CEP162: variants seen among roughly 807,000 people sequenced by gnomAD.
CEP162 encodes centrosomal protein of 162 kDa.
In CEP162, 141 loss-of-function variants were observed where a neutral mutation model predicts 169.2. That is an observed-to-expected ratio of 0.83 (90% confidence interval 0.73 to 0.96). CEP162 has a LOEUF of 0.96. Among genes scored for constraint, CEP162 ranks in the 40% least tolerant of loss-of-function variants. CEP162 has a pLI of 0.00. For missense variants in CEP162, 1,600 were observed against 1,587.2 expected, an observed-to-expected ratio of 1.01 and a Z score of -0.14; for synonymous variants, 540 against 526.4, an observed-to-expected ratio of 1.03 and a Z score of -0.35.
intron 25 of CEP162, among the ~76,000 whole-genome samples, chr6:84,132,776 C>T (rs972125222): frequency 5.3e-5 from 8 of 152,044 alleles, no homozygotes; most frequent in Non-Finnish European, 8.8e-5. Context: ...AGCTCCTTTG[C>T]GATGGTTTCA....
At chr6:84,189,226 C>T (rs1203257475) in intron 11 of CEP162, among the ~76,000 whole-genome samples, 1 of 152,150 alleles carries the variant, frequency 6.6e-6, no homozygotes, top group African/African-American at 2.4e-5. Flanking sequence ...AGAGCCCTCG[C>T]TTGCTCTCGG....
At chr6:84,211,649 GAAA>G (rs933815657) in intron 6 of CEP162, among the ~76,000 whole-genome samples, 1 of 149,646 alleles carries the variant, frequency 6.7e-6, no homozygotes, top group Non-Finnish European at 1.5e-5. Context: ...AGCACAGAAA[GAAA>G]AAAAGTTTTT....
chr6:84,205,101 A>C (rs573410774), intron 6 of CEP162, among the ~76,000 whole-genome samples: 18 of 152,314 alleles, frequency 1.2e-4, no homozygotes, highest in Middle Eastern at 3.4e-3. Flanking sequence ...CAACCAAAAA[A>C]AGTCCAGGAC....
intron 25 of CEP162, among the ~76,000 whole-genome samples, chr6:84,142,278 A>C (rs1226925216): frequency 6.6e-6 from 1 of 152,200 alleles, no homozygotes; most frequent in East Asian, 1.9e-4. Flanking sequence ...CCAAATACAC[A>C]ATTTGCATTC....
intron 2 of CEP162, among the ~76,000 whole-genome samples, chr6:84,223,078 C>T (rs1398453714): frequency 6.6e-6 from 1 of 152,066 alleles, no homozygotes; most frequent in East Asian, 1.9e-4. Context: ...CCTTGTAGGG[C>T]CATGACAAAG....
intron 6 of CEP162, among the ~76,000 whole-genome samples, chr6:84,205,094 C>T (rs1411560244): frequency 6.6e-6 from 1 of 152,068 alleles, no homozygotes; most frequent in African/African-American, 2.4e-5. Context: ...AGCCTACCAA[C>T]CAAAAAAAGT....
intron 16 of CEP162, among the ~76,000 whole-genome samples, chr6:84,172,204 A>G (rs757097903): frequency 1.1e-4 from 17 of 152,284 alleles, no homozygotes; most frequent in Middle Eastern, 3.4e-3. Flanking sequence ...TCATACTTGT[A>G]TCTGCTACTG....
At position 84,174,117 on chromosome 6, in the gene CEP162, A is replaced by C. The variant is rs147528790; in HGVS notation, c.2097T>G (p.Thr699=). 146 of 1,611,396 alleles carry C rather than the reference A, an allele frequency of 9.1e-5. No homozygotes were observed. The African/African-American group carries it at 1.8e-3, about 20-fold the overall frequency. The change falls in exon 16 of 27, where the codon ACT becomes ACG. Residue 699 remains threonine, a synonymous_variant. Transcript: ENST00000403245. The part of the protein sequence containing the change: ...LHFGEAADPV[T]GEKLKQIQKE... ...TTTGGATTTGCTTCAACTTTTCTCC[A>C]GTGACAGGATCAGCTGCTTCTCCAA...
chr6:84,221,824 A>G (rs2099553831), intron 2 of CEP162, among the ~76,000 whole-genome samples: 1 of 152,052 alleles, frequency 6.6e-6, no homozygotes, highest in Non-Finnish European at 1.5e-5. Flanking sequence ...TTGTGAAGGC[A>G]CTTCTTTCGT....
intron 13 of CEP162, among the ~76,000 whole-genome samples, chr6:84,181,866 T>G (rs13328286): frequency 0.038 from 5,797 of 152,052 alleles, 196 homozygotes; most frequent in African/African-American, 0.095. Context: ...GCTTTATATT[T>G]CACGGAAGGG....
chr6:84,193,230 C>G (rs1481206647), intron 11 of CEP162, among the ~76,000 whole-genome samples: 1 of 152,202 alleles, frequency 6.6e-6, no homozygotes, highest in East Asian at 1.9e-4. Flanking sequence ...TGTGAGATGA[C>G]AGCCAGTCTG....
intron 11 of CEP162, among the ~76,000 whole-genome samples, 192 bp downstream of exon 11, chr6:84,193,417 C>A (rs2099540736): frequency 1.3e-5 from 2 of 152,082 alleles, no homozygotes; most frequent in South Asian, 4.1e-4. Flanking sequence ...TTTTTTATAG[C>A]ATCTATTTAT....
At chr6:84,209,774 A>G (rs16874336) in intron 6 of CEP162, among the ~76,000 whole-genome samples, 5,999 of 152,228 alleles carry the variant, frequency 0.039, 213 homozygotes, top group African/African-American at 0.098. Context: ...ATTCATCAAA[A>G]CTACATTTTA....
intron 21 of CEP162, among the ~76,000 whole-genome samples, chr6:84,160,337 A>G (rs540250130): frequency 2.0e-5 from 3 of 152,314 alleles, no homozygotes; most frequent in Non-Finnish European, 4.4e-5. Context: ...GAGTATTTCT[A>G]AGCCTGAATG....
intron 6 of CEP162, among the ~76,000 whole-genome samples, chr6:84,212,750 C>T (rs2099549999): frequency 6.6e-6 from 1 of 152,016 alleles, no homozygotes; most frequent in Non-Finnish European, 1.5e-5. Flanking sequence ...CTAAAACCAG[C>T]TATATGCAGT....
intron 24 of CEP162, among the ~76,000 whole-genome samples, chr6:84,147,726 A>G (rs1479787091): frequency 6.6e-6 from 1 of 152,208 alleles, no homozygotes; most frequent in East Asian, 1.9e-4. Flanking sequence ...AAAGGTAGAC[A>G]ATATTATCTT....
At chr6:84,201,414 GT>G (rs2099544445) in intron 8 of CEP162, among the ~76,000 whole-genome samples, 1 of 152,178 alleles carries the variant, frequency 6.6e-6, no homozygotes. Context: ...ATGTGTGTGT[GT>G]GTGTATGTAT....
At chr6:84,208,519 G>A (rs1037524952) in intron 6 of CEP162, among the ~76,000 whole-genome samples, 2 of 152,176 alleles carry the variant, frequency 1.3e-5, no homozygotes, top group Admixed American at 6.5e-5. Context: ...AGACGAAGAC[G>A]ACAACTTGTG....
intron 6 of CEP162, among the ~76,000 whole-genome samples, chr6:84,211,499 C>A (rs1298406748): frequency 7.2e-6 from 1 of 139,126 alleles, no homozygotes; most frequent in South Asian, 2.2e-4. Flanking sequence ...TGCACTCCAG[C>A]CTGGCTGACA....
Sources: allele counts gnomAD v4.1 joint callset (sites outside exome capture counted in the v4.1 genomes callset), GRCh38; gene constraint gnomAD v4.1.1; transcripts MANE v1.5; gene names NCBI Gene and HGNC (gene_info 2026-07-23, HGNC 2026-07-21).